MED13L: variants seen among roughly 807,000 people sequenced by gnomAD.
MED13L encodes mediator complex subunit 13L.
Under a neutral mutation model 220.9 loss-of-function variants are expected in MED13L, and 7 were observed. The observed-to-expected ratio is 0.03, with a 90% CI of 0.02 to 0.06. MED13L has a LOEUF of 0.06. Ranked by LOEUF, MED13L falls within the 10% of genes least tolerant of loss-of-function variation. The probability of loss-of-function intolerance (pLI) is 1.00; values close to 1 mark genes in which losing one functional copy is unlikely to be tolerated. For missense variants in MED13L, 1,965 were observed against 2,760.5 expected, an observed-to-expected ratio of 0.71 and a Z score of 6.46; for synonymous variants, 1,011 against 1,015.2, an observed-to-expected ratio of 1.00 and a Z score of 0.08.
At chr12:116,100,177 GA>G (rs1872946083) in intron 3 of MED13L, among the ~76,000 whole-genome samples, 1 of 152,168 alleles carries the variant, frequency 6.6e-6, no homozygotes, top group Non-Finnish European at 1.5e-5. Flanking sequence ...GAGGAAATGA[GA>G]GAGAAGGTGT....
At chr12:115,988,346 T>C (rs1199363371) in intron 17 of MED13L, among the ~76,000 whole-genome samples, 1 of 152,192 alleles carries the variant, frequency 6.6e-6, no homozygotes, top group Non-Finnish European at 1.5e-5. Context: ...CCAGCTTCCC[T>C]TGAACTGGGA....
chr12:116,164,982 G>GT (rs1879141779), intron 2 of MED13L, among the ~76,000 whole-genome samples: 1 of 152,196 alleles, frequency 6.6e-6, no homozygotes, highest in Admixed American at 6.5e-5. Context: ...TTGTACTCAT[G>GT]TAAGTTTTTT....
intron 2 of MED13L, among the ~76,000 whole-genome samples, chr12:116,194,762 C>G (rs535800295): frequency 6.6e-5 from 10 of 152,190 alleles, no homozygotes; most frequent in African/African-American, 2.4e-4. Flanking sequence ...TTTTAATTTA[C>G]TGGAACTTCC....
chr12:116,149,111 T>G (rs1313536112), intron 2 of MED13L, among the ~76,000 whole-genome samples: 3 of 152,218 alleles, frequency 2.0e-5, no homozygotes, highest in African/African-American at 7.2e-5. Flanking sequence ...GTGCCCAGAA[T>G]AGGCTACCCT....
chr12:116,193,605 G>T (rs543617047), intron 2 of MED13L, among the ~76,000 whole-genome samples: 10 of 69,006 alleles, frequency 1.4e-4, no homozygotes, highest in Non-Finnish European at 2.4e-4. Context: ...GTGTAAAGTA[G>T]AAATCTCTCA....
intron 4 of MED13L, among the ~76,000 whole-genome samples, chr12:116,068,720 TTTTAA>T (rs1176223561): frequency 6.6e-6 from 1 of 152,204 alleles, no homozygotes; most frequent in African/African-American, 2.4e-5. Flanking sequence ...AAATTTGAAC[TTTTAA>T]TTTATATTTT....
chr12:116,131,067 G>A (rs902397816), intron 2 of MED13L, among the ~76,000 whole-genome samples: 2 of 152,092 alleles, frequency 1.3e-5, no homozygotes, highest in Admixed American at 6.5e-5. Flanking sequence ...TGGTTTTCAG[G>A]CTTCACAATC....
rs780190117 is a variant in MED13L, at chr12:116,019,240, T to C, written c.993A>G (p.Pro331=). The change falls in exon 7 of 31, where the codon CCA becomes CCG. Residue 331 remains proline, a synonymous_variant. Coordinates refer to ENST00000281928, the MANE Select transcript of MED13L (RefSeq NM_015335.5). ...CCTACTCACCTAGGATAGCCTGTTC[T>C]GGAGAGGTGGGAGGGGTCAGAGGCA... The part of the protein sequence containing the change: ...CGMPLTPPTS[P]EQAILGESGG... 3.5e-5 allele frequency: 56 copies of C among 1,613,576 alleles called. No homozygotes were observed. The highest frequency in any genetic ancestry group is 1.0e-5 in the Non-Finnish European group (12 of 1,179,860).
intron 2 of MED13L, 126 bp downstream of exon 2, chr12:116,237,342 G>A (rs1870180592): frequency 2.5e-6 from 2 of 796,818 alleles, no homozygotes; most frequent in Admixed American, 2.1e-5. Context: ...TGTTCCTTTT[G>A]AGAGAGACAT....
Position 116,161,017 on chromosome 12 carries a change from G to A in MED13L, c.311-49505C>T, listed in dbSNP as rs11067927. Among the ~76,000 whole-genome samples the A allele has an allele frequency of 5.6e-3, 857 of 152,224 alleles. 9 individuals are homozygous for A. Among genetic ancestry groups the A allele is most frequent in the African/African-American group, 0.02 (834 of 41,536 alleles). ...ACGTATTTCTTATAGTTCTGGCTGA[G>A]AAGTACAAGACCATGAGGTCTGCAT... On this transcript the variant is annotated intron_variant, in intron 2 of 30. Coordinates refer to ENST00000281928, the MANE Select transcript of MED13L (RefSeq NM_015335.5).
chr12:116,028,126 C>A (rs1880513556), intron 4 of MED13L, among the ~76,000 whole-genome samples: 1 of 152,190 alleles, frequency 6.6e-6, no homozygotes, highest in Non-Finnish European at 1.5e-5. Context: ...TTTCTACTAG[C>A]TGGCTCGTAC....
chr12:116,075,856 G>A lies in MED13L; in HGVS notation c.479+20813C>T, dbSNP rs184148835. Among the ~76,000 whole-genome samples the A allele has an allele frequency of 4.0e-5, 6 of 151,810 alleles. No individual in the cohort carries two copies. The East Asian group carries it at 1.2e-3, about 30-fold the overall frequency. ...TTTCAGGTGTTTCTCAATTGCAGTTGTGTGAGATACACTCTAGCCTCAAAA... is the reference window on the plus strand; with the variant it reads ...TTTCAGGTGTTTCTCAATTGCAGTTATGTGAGATACACTCTAGCCTCAAAA... On this transcript the variant is annotated intron_variant, in intron 4 of 30. Transcript: ENST00000281928.
At chr12:116,004,627 C>A (rs1023792612) in intron 13 of MED13L, among the ~76,000 whole-genome samples, 3 of 152,056 alleles carry the variant, frequency 2.0e-5, no homozygotes, top group Admixed American at 6.6e-5. Flanking sequence ...TGTTCCTTAT[C>A]CCTGAAAGCT....
intron 2 of MED13L, among the ~76,000 whole-genome samples, chr12:116,171,970 C>A (rs922807108): frequency 6.6e-6 from 1 of 152,150 alleles, no homozygotes; most frequent in Non-Finnish European, 1.5e-5. Flanking sequence ...CTTTTTTAAT[C>A]AACTTCATGA....
At chr12:115,983,566 A>C in intron 20 of MED13L, 26 bp from the exon 21 acceptor site, 1 of 1,612,674 alleles carries the variant, frequency 6.2e-7, no homozygotes, top group Non-Finnish European at 8.5e-7. Context: ...CAAAGAGGTG[A>C]CTTTAGTGAT....
chr12:116,170,616 T>G (rs989050614), intron 2 of MED13L, among the ~76,000 whole-genome samples: 2 of 151,180 alleles, frequency 1.3e-5, no homozygotes, highest in Admixed American at 6.6e-5. Context: ...TTGTTTTTTT[T>G]TTTTTTTTAA....
intron 4 of MED13L, among the ~76,000 whole-genome samples, chr12:116,093,983 A>T (rs1033161618): frequency 1.3e-5 from 2 of 152,184 alleles, no homozygotes; most frequent in African/African-American, 4.8e-5. Context: ...TTTCAACTCA[A>T]TAATAATAAA....
chr12:116,047,215 C>A (rs1388130775), intron 4 of MED13L, among the ~76,000 whole-genome samples: 1 of 151,640 alleles, frequency 6.6e-6, no homozygotes. Context: ...TTGGCCAGGC[C>A]TGGTAGCGCA....
intron 4 of MED13L, among the ~76,000 whole-genome samples, chr12:116,053,730 C>G (rs1003323477): frequency 1.3e-5 from 2 of 152,158 alleles, no homozygotes; most frequent in Non-Finnish European, 2.9e-5. Flanking sequence ...AGATTCTACA[C>G]TCTCAAAGCT....
Sources: gnomAD v4.1 joint callset for allele counts (sites outside exome capture counted in the v4.1 genomes callset) on GRCh38, gnomAD v4.1.1 for gene constraint, MANE v1.5 for transcripts, NCBI Gene and HGNC (gene_info 2026-07-23, HGNC 2026-07-21) for gene names.